Variants in INPP5F observed in about 807,000 individuals in gnomAD.
INPP5F encodes the protein phosphatidylinositide 4-phosphatase SAC2.
Under a neutral mutation model 137.2 loss-of-function variants are expected in INPP5F, and 97 were observed. The observed-to-expected ratio is 0.71, with a 90% confidence interval of 0.60 to 0.84. INPP5F has a LOEUF of 0.84. INPP5F is among the 40% of genes least tolerant of loss of function. The pLI, the probability that INPP5F is intolerant of heterozygous loss-of-function variation, is 0.00. For synonymous variants in INPP5F, 504 were observed against 476.9 expected, an observed-to-expected ratio of 1.06 and a Z score of -0.74; for missense variants, 1,271 against 1,371.9, an observed-to-expected ratio of 0.93 and a Z score of 1.16.
chr10:119,808,709 ATAAAT>A (rs1850903239), intron 13 of INPP5F, among the ~76,000 whole-genome samples: 1 of 152,202 alleles, frequency 6.6e-6, no homozygotes, highest in South Asian at 2.1e-4. Flanking sequence ...TCTCTAGTAA[ATAAAT>A]TACTCAGTCT....
chr10:119,738,559 A>G (rs992404706), intron 1 of INPP5F, among the ~76,000 whole-genome samples: 2 of 152,196 alleles, frequency 1.3e-5, no homozygotes, highest in Admixed American at 6.5e-5. Context: ...TATGCCTGGA[A>G]TAATACTGTC....
chr10:119,797,514 G>C lies in INPP5F; in HGVS notation c.922G>C (p.Val308Leu). Reference protein sequence around the residue: ...VDKNGNVANYVETEQLIHVHN... With the variant: ...VDKNGNVANYLETEQLIHVHN... Reference sequence around the variant, plus strand: ...TAAAAATGGAAATGTTGCCAATTATGTGGAGACTGAGCAGTTGATTCATGT... The same window carrying C: ...TAAAAATGGAAATGTTGCCAATTATCTGGAGACTGAGCAGTTGATTCATGT... Residue 308 changes from valine to leucine, a missense_variant, in exon 8 of 20, where the codon GTG (valine) becomes CTG (leucine). Val to Leu is a conservative substitution (Grantham distance 32, BLOSUM62 1). Around this residue, in one of 6 missense-constraint regions of INPP5F, gnomAD observed 593 missense variants for 712.4 expected, o/e 0.83. Transcript: ENST00000650623. 1 of 1,612,676 alleles carries C rather than the reference G, an allele frequency of 6.2e-7. No individual in the cohort carries two copies. The highest frequency in any genetic ancestry group is 8.5e-7 in the Non-Finnish European group (1 of 1,179,206).
chr10:119,798,611 G>A lies in INPP5F; in HGVS notation c.1116+1G>A, dbSNP rs770975573. ...ACAACTGAACATTTACAAAAAACAG[G>A]TGGGCTTTGATTTACAGTAGTAAAA... On this transcript the variant is annotated splice_donor_variant, in intron 9 of 19. Transcript: ENST00000650623. LOFTEE classifies it high-confidence loss of function. The A allele has an allele frequency of 3.8e-5, 61 of 1,606,398 alleles. No individual in the cohort carries two copies. Among genetic ancestry groups the A allele is most frequent in the Non-Finnish European group, 5.2e-5 (61 of 1,174,476 alleles).
At position 119,726,224 on chromosome 10, in the gene INPP5F, G is replaced by A; in HGVS notation, c.-39G>A. Reference sequence around the variant, plus strand: ...GACCGACTAGGACGCCCCGTGCGCCGCCCGCGGGCCGCCGCCTCCCTGGGC... The same window carrying A: ...GACCGACTAGGACGCCCCGTGCGCCACCCGCGGGCCGCCGCCTCCCTGGGC... On this transcript the variant is annotated 5_prime_UTR_variant, in exon 1 of 20. Transcript: ENST00000650623. The A allele has an allele frequency of 2.2e-6, 3 of 1,360,452 alleles. No individual in the cohort carries two copies. The highest frequency in any genetic ancestry group is 1.5e-5 in the South Asian group (1 of 67,650). The allele number at this position is 1,360,452 out of a possible 1,614,324, so 84.3% of individuals were successfully genotyped here. A position where few individuals can be genotyped will look rare whatever the true frequency, so the allele number is the denominator to read the frequency against.
intron 9 of INPP5F, among the ~76,000 whole-genome samples, chr10:119,802,883 A>G (rs997274113): frequency 2.0e-5 from 3 of 152,202 alleles, no homozygotes; most frequent in African/African-American, 7.2e-5. Context: ...TGTGTTTAGT[A>G]TTCACGTTTG....
intron 15 of INPP5F, 46 bp from the exon 16 acceptor site, chr10:119,820,800 C>G: frequency 6.8e-7 from 1 of 1,466,708 alleles, no homozygotes; most frequent in South Asian, 1.1e-5. Context: ...GCAAAAAATG[C>G]AGATGGAAAT....
intron 3 of INPP5F, among the ~76,000 whole-genome samples, chr10:119,785,291 T>G (rs1226942676): frequency 7.0e-6 from 1 of 143,786 alleles, no homozygotes; most frequent in African/African-American, 2.6e-5. Context: ...AGACTGTTTT[T>G]TTTTTTTTTT....
chr10:119,812,518 C>A (rs1851083550), intron 15 of INPP5F, among the ~76,000 whole-genome samples: 1 of 151,786 alleles, frequency 6.6e-6, no homozygotes, highest in African/African-American at 2.4e-5. Flanking sequence ...TATTATAAAT[C>A]AGAGACATTT....
At chr10:119,754,016 T>C (rs955938868) in intron 2 of INPP5F, among the ~76,000 whole-genome samples, 2 of 152,158 alleles carry the variant, frequency 1.3e-5, no homozygotes, top group Non-Finnish European at 2.9e-5. Context: ...TGTATGTAGG[T>C]TAAAATTTCT....
intron 1 of INPP5F, among the ~76,000 whole-genome samples, chr10:119,746,757 A>T (rs960223657): frequency 6.6e-6 from 1 of 152,264 alleles, no homozygotes; most frequent in East Asian, 1.9e-4. Flanking sequence ...AAATCATAGA[A>T]GATGACATGA....
Position 119,827,520 on chromosome 10 carries a change from C to T in INPP5F, c.3139C>T (p.Leu1047Phe), listed in dbSNP as rs757621024. ...AACCCCCACCTCCGCTTCCAGCATG[C>T]TTGAACTTGAGACAGGGCTTCATGT... ...QKTPTSASSMLELETGLHVTP... is the reference protein window; with the variant it reads ...QKTPTSASSMFELETGLHVTP... Residue 1047 changes from leucine to phenylalanine, a missense_variant, in exon 20 of 20, where the codon CTT (leucine) becomes TTT (phenylalanine). Transcript: ENST00000650623. The T allele has an allele frequency of 1.2e-6, 2 of 1,614,058 alleles. No homozygotes were observed. The highest frequency in any genetic ancestry group is 1.7e-6 in the Non-Finnish European group (2 of 1,179,966).
At chr10:119,817,446 G>T (rs1851321304) in intron 15 of INPP5F, among the ~76,000 whole-genome samples, 1 of 152,174 alleles carries the variant, frequency 6.6e-6, no homozygotes, top group Non-Finnish European at 1.5e-5. Flanking sequence ...CACCAGCAAT[G>T]TATTTCAGTA....
At chr10:119,770,860 T>A (rs1468483026) in intron 2 of INPP5F, among the ~76,000 whole-genome samples, 1 of 152,214 alleles carries the variant, frequency 6.6e-6, no homozygotes, top group Non-Finnish European at 1.5e-5. Context: ...TTTAGTTTTT[T>A]ATCCTCTTCT....
In INPP5F at chr10:119,792,203, C is replaced by T. The variant is rs1300319289; in HGVS notation, c.659C>T (p.Thr220Ile). 9.9e-6 allele frequency: 16 copies of T among 1,611,926 alleles called. No homozygotes were observed. Among genetic ancestry groups the T allele is most frequent in the Non-Finnish European group, 1.4e-5 (16 of 1,178,102 alleles). The change falls in exon 6 of 20, where the codon ACT becomes ATT. Residue 220 changes from threonine to isoleucine, a missense_variant. Physicochemically the swap from Thr to Ile is moderately conservative, Grantham distance 89. This residue lies in a region of INPP5F where 593 missense variants were observed against 712.4 expected (regional missense o/e 0.83). Coordinates refer to ENST00000650623, the MANE Select transcript of INPP5F (RefSeq NM_014937.4). ...AATAAATACATGATACAAGATCTTA[C>T]TGAGATTGGTGTGAGTAGTTGTTTC... ...FWNKYMIQDLTEIGTPDVDFW... is the reference protein window; with the variant it reads ...FWNKYMIQDLIEIGTPDVDFW...
intron 6 of INPP5F, among the ~76,000 whole-genome samples, chr10:119,795,256 C>T (rs1850323892): frequency 6.6e-6 from 1 of 150,852 alleles, no homozygotes; most frequent in East Asian, 2.0e-4. Context: ...GGGCGGGGGG[C>T]TGACCCCCCT....
chr10:119,756,636 AAAAAC>A (rs1017143637), intron 2 of INPP5F, among the ~76,000 whole-genome samples: 19 of 152,314 alleles, frequency 1.2e-4, no homozygotes, highest in South Asian at 6.2e-4. Context: ...ACTCTGTCAA[AAAAAC>A]AAAACAAAAC....
rs60994998 is a variant in INPP5F, at chr10:119,826,914, G to A, written c.2533G>A (p.Ala845Thr). The change falls in exon 20 of 20, where the codon GCA becomes ACA. Residue 845 changes from alanine to threonine, a missense_variant. Ala to Thr is a moderately conservative substitution (Grantham distance 58). Transcript: ENST00000650623. Reference protein sequence around the residue: ...ENTGVMDKVQAESDGDMSSDN... With the variant: ...ENTGVMDKVQTESDGDMSSDN... The stretch of plus-strand genomic sequence containing the variant: ...CACAGGAGTGATGGATAAGGTTCAG[G>A]CAGAGTCTGATGGGGACATGTCTTC... 6.2e-7 allele frequency: 1 copy of A among 1,613,906 alleles called. No homozygotes were observed. Among genetic ancestry groups the A allele is most frequent in the Non-Finnish European group, 8.5e-7 (1 of 1,179,880 alleles).
intron 18 of INPP5F, among the ~76,000 whole-genome samples, 188 bp downstream of exon 18, chr10:119,823,387 A>C (rs1316557445): frequency 6.6e-6 from 1 of 152,196 alleles, no homozygotes; most frequent in Admixed American, 6.5e-5. Flanking sequence ...ATCTGAATGT[A>C]TTATTTAGTC....
chr10:119,789,173 C>T (rs897830309), intron 3 of INPP5F, among the ~76,000 whole-genome samples: 7 of 149,766 alleles, frequency 4.7e-5, no homozygotes, highest in Admixed American at 1.3e-4. Flanking sequence ...TGTGGTGAGC[C>T]GAAACTGCGC....
Sources: allele counts gnomAD v4.1 joint callset (sites outside exome capture counted in the v4.1 genomes callset), GRCh38; gene constraint gnomAD v4.1.1; regional missense constraint gnomAD v4.1.1; transcripts MANE v1.5; gene names NCBI Gene and HGNC (gene_info 2026-07-23, HGNC 2026-07-21).